TBL1Y: variants seen among roughly 807,000 people sequenced by gnomAD.
TBL1Y encodes F-box-like/WD repeat-containing protein TBL1Y.
In TBL1Y, 15 loss-of-function variants were observed where a neutral mutation model predicts 12.0. The ratio of observed to expected loss-of-function variants is 1.25; its 90% CI spans 0.83 to 1.92. The LOEUF (loss-of-function observed/expected upper bound fraction) is 1.92. Among genes scored for constraint, TBL1Y ranks in the 40% most tolerant of loss-of-function variants. The probability of loss-of-function intolerance (pLI) is 0.00; values close to 1 mark genes in which losing one functional copy is unlikely to be tolerated. For synonymous variants in TBL1Y, 53 were observed against 42.6 expected, an observed-to-expected ratio of 1.24 and a Z score of -0.95; for missense variants, 148 against 116.7, an observed-to-expected ratio of 1.27 and a Z score of -1.24.
At chrY:6,971,817 C>T (rs780566359) in intron 2 of TBL1Y, among the ~76,000 whole-genome samples, 1 of 33,857 alleles carries the variant, frequency 3.0e-5, no homozygotes, top group Non-Finnish European at 7.3e-5. Context: ...CCATGTTGGC[C>T]AGGTTCATCT....
At position 7,087,398 on chromosome Y, in the gene TBL1Y, C is replaced by A; in HGVS notation, c.1412C>A (p.Ser471Tyr). The change falls in exon 17 of 19, where the codon TCC (serine) becomes TAC (tyrosine). Residue 471 changes from serine to tyrosine, a missense_variant. Physicochemically the swap from Ser to Tyr is moderately radical, Grantham distance 144. Coordinates refer to ENST00000383032, the MANE Select transcript of TBL1Y (RefSeq NM_033284.2). ...SPDGKYLASG[S>Y]FDKYVHIWNT... ...GATGGAAAGTACTTGGCTAGTGGAT[C>A]CTTTGACAAGTATGTTCATATCTGG... The A allele has an allele frequency of 2.5e-6, 1 of 396,239 alleles. No individual in the cohort carries two copies. Among genetic ancestry groups the A allele is most frequent in the South Asian group, 3.0e-5 (1 of 33,417 alleles).
chrY:7,006,607 A>T (rs950492747), intron 4 of TBL1Y, among the ~76,000 whole-genome samples: 1 of 33,574 alleles, frequency 3.0e-5, no homozygotes, highest in Non-Finnish European at 7.4e-5. Flanking sequence ...AAATTGACAA[A>T]TGGGATCTAA....
chrY:7,077,002 G>A (rs2013066239), intron 13 of TBL1Y, among the ~76,000 whole-genome samples: 4 of 30,345 alleles, frequency 1.3e-4, no homozygotes, highest in Admixed American at 1.3e-3. Flanking sequence ...ACAGTGGCCT[G>A]CTGATACAGT....
At chrY:7,074,435 T>C in intron 12 of TBL1Y, 125 bp from the exon 13 acceptor site, 1 of 172,184 alleles carries the variant, frequency 5.8e-6, no homozygotes, top group South Asian at 7.1e-5. Context: ...GCTTGCTTTC[T>C]ATCTGTATTG....
At chrY:7,021,701 C>A (rs903759308) in intron 5 of TBL1Y, among the ~76,000 whole-genome samples, 164 bp downstream of exon 5, 1 of 33,537 alleles carries the variant, frequency 3.0e-5, no homozygotes, top group Non-Finnish European at 7.4e-5. Context: ...TTAGAGAAAC[C>A]ATTATTAAAT....
intron 2 of TBL1Y, among the ~76,000 whole-genome samples, chrY:6,967,475 C>T: frequency 3.1e-5 from 1 of 32,622 alleles, no homozygotes; most frequent in African/African-American, 1.2e-4. Context: ...ACCTCTGCCT[C>T]CTGGGTTCAA....
chrY:7,016,599 A>T (rs887342788), intron 4 of TBL1Y, among the ~76,000 whole-genome samples: 2 of 33,061 alleles, frequency 6.0e-5, no homozygotes, highest in African/African-American at 1.2e-4. Context: ...GCAGCCAGGT[A>T]GTGAGCAGAT....
At chrY:7,064,555 A>G (rs2012958145) in intron 8 of TBL1Y, among the ~76,000 whole-genome samples, 1 of 33,775 alleles carries the variant, frequency 3.0e-5, no homozygotes, top group Non-Finnish European at 7.3e-5. Context: ...CTGGGCCCCA[A>G]AAACTGAGCA....
intron 13 of TBL1Y, among the ~76,000 whole-genome samples, chrY:7,079,800 A>G: frequency 5.9e-5 from 2 of 33,882 alleles, no homozygotes. Flanking sequence ...TGTCTGAAGT[A>G]GAATCAAATT....
chrY:6,969,035 C>A (rs2012188422), intron 2 of TBL1Y, among the ~76,000 whole-genome samples: 1 of 32,309 alleles, frequency 3.1e-5, no homozygotes, highest in Admixed American at 2.9e-4. Flanking sequence ...TATGCATCAG[C>A]ATAAATGTGG....
intron 2 of TBL1Y, among the ~76,000 whole-genome samples, chrY:6,970,787 A>G (rs2012201900): frequency 3.0e-5 from 1 of 33,675 alleles, no homozygotes; most frequent in African/African-American, 1.2e-4. Context: ...CCTGGTATGC[A>G]TGTGTGAGTG....
chrY:6,931,337 T>G, intron 2 of TBL1Y, among the ~76,000 whole-genome samples: 1 of 33,551 alleles, frequency 3.0e-5, no homozygotes. Context: ...AGGCAGAGGT[T>G]GTGGTGAGCT....
intron 6 of TBL1Y, among the ~76,000 whole-genome samples, chrY:7,030,364 C>T (rs2012647480): frequency 1.2e-4 from 4 of 34,041 alleles, no homozygotes; most frequent in African/African-American, 4.6e-4. Context: ...GTCACAGTTT[C>T]CATGGGCAGA....
In TBL1Y at chrY:7,086,743, G is replaced by A. The variant is rs928310796; in HGVS notation, c.1280+326G>A. Reference sequence around the variant, plus strand: ...TAGCTGGGTATGGTGGTGCATACCTGTAATCCCAGCTACTTGGGAGGCAGA... The same window carrying A: ...TAGCTGGGTATGGTGGTGCATACCTATAATCCCAGCTACTTGGGAGGCAGA... On this transcript the variant is annotated intron_variant, in intron 16 of 18. Transcript: ENST00000383032. 1.6e-4 allele frequency among the ~76,000 whole-genome samples: 5 copies of A among 30,370 alleles called. No homozygotes were observed. In the East Asian group the frequency reaches 2.6e-3, roughly 16 times the overall value. 81.5% of individuals were successfully genotyped at this position (30,370 alleles called of 37,273 possible).
At chrY:7,061,513 C>A in intron 7 of TBL1Y, among the ~76,000 whole-genome samples, 1 of 32,109 alleles carries the variant, frequency 3.1e-5, no homozygotes, top group Non-Finnish European at 7.6e-5. Context: ...CTGTTTGACC[C>A]CTTCTTTGTG....
intron 4 of TBL1Y, among the ~76,000 whole-genome samples, chrY:7,010,752 T>C (rs1266049666): frequency 6.8e-4 from 22 of 32,421 alleles, no homozygotes; most frequent in Non-Finnish European, 2.3e-4. Context: ...CTGGCCAACA[T>C]GGTGAAACCC....
In TBL1Y at chrY:6,910,712, G is replaced by A; in HGVS notation, c.-621G>A. 1 of 62,443 alleles carries A rather than the reference G, an allele frequency of 1.6e-5. No homozygotes were observed. Among genetic ancestry groups the A allele is most frequent in the Non-Finnish European group, 3.2e-5 (1 of 31,130 alleles). 15.6% of individuals were successfully genotyped at this position (62,443 alleles called of 400,897 possible). A position where few individuals can be genotyped will look rare whatever the true frequency, so the allele number is the denominator to read the frequency against. The stretch of plus-strand genomic sequence containing the variant: ...CAGTGCCCCCAATTCGCGCTCGGGA[G>A]TGAGGAGCCGCCAACACCCCAGCTC... On this transcript the variant is annotated 5_prime_UTR_variant, in exon 1 of 19. It adds an upstream start codon to the 5' untranslated region. Transcript: ENST00000383032.
chrY:6,988,695 T>TAAAC (rs2012340991), intron 3 of TBL1Y, among the ~76,000 whole-genome samples: 1 of 30,852 alleles, frequency 3.2e-5, no homozygotes, highest in East Asian at 8.6e-4. Context: ...AATAAATAAA[T>TAAAC]AAATACCAAA....
intron 2 of TBL1Y, among the ~76,000 whole-genome samples, chrY:6,928,329 G>T (rs2011841004): frequency 2.9e-5 from 1 of 34,079 alleles, no homozygotes; most frequent in Non-Finnish European, 7.3e-5. Flanking sequence ...AACAATACTT[G>T]TAGATTTGTA....
Sources: gnomAD v4.1 joint callset for allele counts (sites outside exome capture counted in the v4.1 genomes callset) on GRCh38, gnomAD v4.1.1 for gene constraint, MANE v1.5 for transcripts, NCBI Gene and HGNC (gene_info 2026-07-23, HGNC 2026-07-21) for gene names.